The following NR2F1 variants were observed in gnomAD, a reference collection of about 807,000 sequenced individuals.
The protein encoded by NR2F1 is nuclear receptor subfamily 2 group F member 1.
In NR2F1, 1 loss-of-function variant was observed where a neutral mutation model predicts 37.7. The ratio of observed to expected loss-of-function variants is 0.03; its 90% confidence interval spans 0.01 to 0.13. The LOEUF (loss-of-function observed/expected upper bound fraction) is 0.13. NR2F1 is among the 10% of genes least tolerant of loss of function. The probability of loss-of-function intolerance (pLI) is 1.00; values close to 1 mark genes in which losing one functional copy is unlikely to be tolerated. For synonymous variants in NR2F1, 275 were observed against 259.6 expected (o/e 1.06, Z -0.57); for missense variants, 268 against 578.4 (o/e 0.46, Z 5.50).
intron 1 of NR2F1, among the ~76,000 whole-genome samples, chr5:93,586,949 A>C (rs1162523282): frequency 6.6e-6 from 1 of 152,098 alleles, no homozygotes; most frequent in Non-Finnish European, 1.5e-5. Flanking sequence ...TGTTGGGGGA[A>C]GAGTTCAGTA....
rs1580358905 is a variant in NR2F1, at chr5:93,585,752, A to C, written c.463+266A>C. On this transcript the variant is annotated intron_variant, in intron 1 of 2. Transcript: ENST00000327111. Reference sequence around the variant, plus strand: ...GCCTGCTCAGGATTGTGTCCCTGAGATCGTGAGCTGTGGCTTAAAATCCCC... The same window carrying C: ...GCCTGCTCAGGATTGTGTCCCTGAGCTCGTGAGCTGTGGCTTAAAATCCCC... The C allele has an allele frequency of 8.0e-6, 4 of 499,082 alleles. No homozygotes were observed. In the East Asian group the frequency reaches 1.4e-4, roughly 17 times the overall value. 30.9% of individuals were successfully genotyped at this position (499,082 alleles called of 1,614,324 possible). A position where few individuals can be genotyped will look rare whatever the true frequency, so the allele number is the denominator to read the frequency against.
At chr5:93,590,438 A>G (rs1694435480) in intron 2 of NR2F1, among the ~76,000 whole-genome samples, 1 of 152,218 alleles carries the variant, frequency 6.6e-6, no homozygotes. Context: ...ATACTAAAAC[A>G]TTCCTGTGAA....
At chr5:93,586,682 G>A (rs1753239598) in intron 1 of NR2F1, among the ~76,000 whole-genome samples, 1 of 151,306 alleles carries the variant, frequency 6.6e-6, no homozygotes, top group African/African-American at 2.4e-5. Flanking sequence ...AGACAAATAT[G>A]ACTACTTCAT....
chr5:93,591,300 C>G (rs1196944189), intron 2 of NR2F1, among the ~76,000 whole-genome samples: 1 of 152,154 alleles, frequency 6.6e-6, no homozygotes, highest in Non-Finnish European at 1.5e-5. Flanking sequence ...TGTATTACAC[C>G]CCCTGGTCAC....
chr5:93,589,902 C>T (rs1226338172), intron 2 of NR2F1, among the ~76,000 whole-genome samples: 2 of 152,198 alleles, frequency 1.3e-5, no homozygotes, highest in Non-Finnish European at 2.9e-5. Flanking sequence ...GGACTGCCCC[C>T]CTTTTACTTT....
intron 1 of NR2F1, among the ~76,000 whole-genome samples, chr5:93,586,468 G>T (rs1753236289): frequency 6.6e-6 from 1 of 152,124 alleles, no homozygotes; most frequent in Admixed American, 6.5e-5. Flanking sequence ...CATGTGGCAA[G>T]AGATGCAGTA....
At position 93,594,251 on chromosome 5, in the gene NR2F1, A is replaced by C. The variant is rs896153446; in HGVS notation, c.*409A>C. ...ACAGGAACAACACATATGGAAGTGG[A>C]CTGAAGCCTATGTAGAAACACACAC... is the stretch of plus-strand genomic sequence containing the variant. On this transcript the variant is annotated 3_prime_UTR_variant, in exon 3 of 3. Coordinates refer to ENST00000327111, the MANE Select transcript of NR2F1 (RefSeq NM_005654.6). 7.8e-5 allele frequency: 13 copies of C among 166,556 alleles called. No individual in the cohort carries two copies. Among genetic ancestry groups the C allele is most frequent in the Admixed American group, 5.6e-4 (9 of 16,088 alleles). 10.3% of individuals were successfully genotyped at this position (166,556 alleles called of 1,614,324 possible). A position where few individuals can be genotyped will look rare whatever the true frequency, so the allele number is the denominator to read the frequency against.
rs1252430517 is a variant in NR2F1, at chr5:93,583,895, T to TC, written c.-1124dup. On this transcript the variant is annotated 5_prime_UTR_variant, in exon 1 of 3. Coordinates refer to ENST00000327111, the MANE Select transcript of NR2F1 (RefSeq NM_005654.6). ...CGGCGTGAATTATCCCGTATTTTTC[T>TC]CCCCCTTCCGTCACCTCCCGAAAGA... 6.6e-6 allele frequency: 1 copy of TC among 152,398 alleles called. No homozygotes were observed. The highest frequency in any genetic ancestry group is 2.4e-5 in the African/African-American group (1 of 41,396). The allele number at this position is 152,398 out of a possible 1,614,324, so 9.4% of individuals were successfully genotyped here.
intron 2 of NR2F1, among the ~76,000 whole-genome samples, chr5:93,589,340 G>A (rs545417274): frequency 6.6e-6 from 1 of 152,314 alleles, no homozygotes; most frequent in South Asian, 2.1e-4. Context: ...TTCCTTTGAA[G>A]GGCTCTGGTC....
rs1255702001 is a variant in NR2F1 at position 93,585,255 on chromosome 5, G to A, written c.232G>A (p.Gly78Ser). ...CAAGGGCCAGGGCCCGCCCGGTTCGGGCCAGAGCCAGCAGCACATCGAGTG... is the reference window on the plus strand; with the variant it reads ...CAAGGGCCAGGGCCCGCCCGGTTCGAGCCAGAGCCAGCAGCACATCGAGTG... Reference protein sequence around the residue: ...GDKGQGPPGSGQSQQHIECVV... With the variant: ...GDKGQGPPGSSQSQQHIECVV... The change falls in exon 1 of 3, where the codon GGC becomes AGC. Residue 78 changes from glycine to serine, a missense_variant. Around this residue, in one of 5 missense-constraint regions of NR2F1, gnomAD observed 90 missense variants for 106.5 expected, o/e 0.85. Transcript: ENST00000327111. 1 of 1,577,570 alleles carries A rather than the reference G, an allele frequency of 6.3e-7. No individual in the cohort carries two copies.
Position 93,594,158 on chromosome 5 carries a change from T to C in NR2F1, c.*316T>C, listed in dbSNP as rs1446342928. ...ATTGGAAGAGAGGACCATGAGAATT[T>C]TAATAAAACAGAAGGAAACTAATGG... On this transcript the variant is annotated 3_prime_UTR_variant, in exon 3 of 3. Transcript: ENST00000327111. 6.1e-6 allele frequency: 2 copies of C among 329,186 alleles called. No individual in the cohort carries two copies. The highest frequency in any genetic ancestry group is 1.1e-5 in the Non-Finnish European group (2 of 179,112). The allele number at this position is 329,186 out of a possible 1,614,324, so 20.4% of individuals were successfully genotyped here. A position where few individuals can be genotyped will look rare whatever the true frequency, so the allele number is the denominator to read the frequency against.
At chr5:93,591,229 T>C (rs1753323966) in intron 2 of NR2F1, among the ~76,000 whole-genome samples, 1 of 152,254 alleles carries the variant, frequency 6.6e-6, no homozygotes, top group East Asian at 1.9e-4. Context: ...GTGACATGGA[T>C]TTTGCACATT....
chr5:93,588,984 A>G (rs1753286006), intron 2 of NR2F1, among the ~76,000 whole-genome samples: 1 of 152,188 alleles, frequency 6.6e-6, no homozygotes, highest in South Asian at 2.1e-4. Flanking sequence ...TGGAAAGAGA[A>G]GAATACGCAC....
rs1248810192 is a variant in NR2F1 at position 93,583,295 on chromosome 5, CTTCTT to C, written c.-1728_-1724del. The C allele has an allele frequency of 1.3e-5, 2 of 148,770 alleles. No homozygotes were observed. The highest frequency in any genetic ancestry group is 3.0e-5 in the Non-Finnish European group (2 of 66,760). 9.2% of individuals were successfully genotyped at this position (148,770 alleles called of 1,614,324 possible). A position where few individuals can be genotyped will look rare whatever the true frequency, so the allele number is the denominator to read the frequency against. ...GGTCTCTCTCTCTCTCTCTCTCTCT[CTTCTT>C]CTCTTCTCTCTCTCTCTCTCTCTCC... On this transcript the variant is annotated 5_prime_UTR_variant, in exon 1 of 3. Coordinates refer to ENST00000327111, the MANE Select transcript of NR2F1 (RefSeq NM_005654.6).
In NR2F1 at chr5:93,588,008, G is replaced by T; in HGVS notation, c.555G>T (p.Leu185=). The T allele has an allele frequency of 6.2e-7, 1 of 1,614,040 alleles. No individual in the cohort carries two copies. The change falls in exon 2 of 3, where the codon CTG becomes CTT. Residue 185 remains leucine (L), a synonymous_variant. Coordinates refer to ENST00000327111, the MANE Select transcript of NR2F1 (RefSeq NM_005654.6). ...NGDPLNGHCY[L]SGYISLLLRA... ...ACCCCCTCAACGGCCACTGCTACCT[G>T]TCCGGCTACATCTCGCTGCTGCTGC...
intron 1 of NR2F1, chr5:93,587,059 CT>C (rs1753245246): frequency 7.2e-6 from 1 of 138,250 alleles, no homozygotes. Flanking sequence ...AAAAAAAAAA[CT>C]TTGGTCAGCT....
intron 2 of NR2F1, among the ~76,000 whole-genome samples, chr5:93,589,676 A>G (rs934804644): frequency 3.3e-5 from 5 of 152,286 alleles, no homozygotes; most frequent in African/African-American, 4.8e-5. Context: ...AATCCCTTTC[A>G]TAAGGCCTTG....
chr5:93,589,044 G>T (rs574301435), intron 2 of NR2F1, among the ~76,000 whole-genome samples: 1 of 152,150 alleles, frequency 6.6e-6, no homozygotes, highest in South Asian at 2.1e-4. Context: ...TTCCCTTATC[G>T]GAAACCATTC....
Position 93,593,245 on chromosome 5 carries a change from T to C in NR2F1, c.992-317T>C, listed in dbSNP as rs1052346858. ...GGTTCCAGCATTGTACATTATTTAA[T>C]CCAAAGGTGAAAGAGGAAAAACAAA... On this transcript the variant is annotated intron_variant, in intron 2 of 2. Transcript: ENST00000327111. The surrounding 1 kb of genome is among the most constrained non-coding windows in gnomAD (Gnocchi z 5.6). 6.6e-6 allele frequency among the ~76,000 whole-genome samples: 1 copy of C among 152,114 alleles called. No homozygotes were observed. The highest frequency in any genetic ancestry group is 2.4e-5 in the African/African-American group (1 of 41,410).
Sources: allele counts gnomAD v4.1 joint callset (sites outside exome capture counted in the v4.1 genomes callset), GRCh38; gene constraint gnomAD v4.1.1; regional missense constraint gnomAD v4.1.1; non-coding constraint Gnocchi (gnomAD v3.1); transcripts MANE v1.5; gene names NCBI Gene and HGNC (gene_info 2026-07-23, HGNC 2026-07-21).